Variants in BRSK2 observed in about 807,000 individuals in gnomAD.
BRSK2 encodes the protein BR serine/threonine kinase 2.
In BRSK2, 19 loss-of-function variants were observed where a neutral mutation model predicts 83.3. The ratio of observed to expected loss-of-function variants is 0.23; its 90% CI spans 0.16 to 0.33. The LOEUF is 0.33. Ranked by LOEUF, BRSK2 falls within the 10% of genes least tolerant of loss-of-function variation. The probability of loss-of-function intolerance (pLI) is 1.00; values close to 1 mark genes in which losing one functional copy is unlikely to be tolerated. For synonymous variants in BRSK2, 519 were observed against 435.4 expected, an observed-to-expected ratio of 1.19 and a Z score of -2.39; for missense variants, 798 against 1,042.3, an observed-to-expected ratio of 0.77 and a Z score of 3.23.
At position 1,460,698 on chromosome 11, in the gene BRSK2, C is replaced by A. The variant is rs755637455; in HGVS notation, c.2186C>A (p.Pro729His). Reference sequence around the variant, plus strand: ...AAGGACACGGCCAAGATGGGCCCGCCCACCGCCCGCCGCGAGCAGCCTTAG... The same window carrying A: ...AAGGACACGGCCAAGATGGGCCCGCACACCGCCCGCCGCGAGCAGCCTTAG... ...TGKDTAKMGP[P>H]TARREQP The change falls in exon 20 of 20, where the codon CCC becomes CAC. Residue 729 changes from proline (P) to histidine (H), a missense_variant. By Grantham distance (77) the Pro-to-His change is moderately conservative. Transcript: ENST00000528841. The A allele has an allele frequency of 1.5e-4, 216 of 1,484,260 alleles. No homozygotes were observed. In the African/African-American group the frequency reaches 2.9e-3, roughly 20 times the overall value. 91.9% of individuals were successfully genotyped at this position (1,484,260 alleles called of 1,614,324 possible).
intron 1 of BRSK2, among the ~76,000 whole-genome samples, chr11:1,412,021 C>A (rs1236340532): frequency 7.9e-6 from 1 of 127,330 alleles, no homozygotes; most frequent in Non-Finnish European, 1.7e-5. Flanking sequence ...CTCAGCTGCG[C>A]CGCCCCGTCC....
chr11:1,456,335 T>C lies in BRSK2; in HGVS notation c.1669-13T>C, dbSNP rs1162543773. The stretch of plus-strand genomic sequence containing the variant: ...GCCAGGCCAGCCACGCTCACGCTGC[T>C]CTCTCTCCACAGATTCCCAGTCTCA... On this transcript the variant is annotated splice_polypyrimidine_tract_variant and intron_variant, in intron 16 of 19. Coordinates refer to ENST00000528841, the MANE Select transcript of BRSK2 (RefSeq NM_001256627.2). 3 of 1,546,926 alleles carry C rather than the reference T, an allele frequency of 1.9e-6. No homozygotes were observed. Among genetic ancestry groups the C allele is most frequent in the Non-Finnish European group, 2.6e-6 (3 of 1,146,012 alleles).
intron 18 of BRSK2, chr11:1,456,923 C>A: frequency 6.3e-7 from 1 of 1,592,818 alleles, no homozygotes; most frequent in Non-Finnish European, 8.5e-7. Context: ...CGCAGCCGCA[C>A]CACACTGAAA....
intron 1 of BRSK2, chr11:1,410,923 C>T: frequency 2.0e-6 from 2 of 989,244 alleles, no homozygotes; most frequent in Non-Finnish European, 2.4e-6. Context: ...GTTCCCCAGT[C>T]TCAGAGGCCA....
At chr11:1,407,186 C>T (rs1038082162) in intron 1 of BRSK2, among the ~76,000 whole-genome samples, 3 of 152,132 alleles carry the variant, frequency 2.0e-5, no homozygotes, top group Admixed American at 6.5e-5. Flanking sequence ...GTGGTGTCTG[C>T]GTGGGTCCCC....
At chr11:1,418,942 A>G (rs1001216083) in intron 1 of BRSK2, among the ~76,000 whole-genome samples, 12 of 152,176 alleles carry the variant, frequency 7.9e-5, no homozygotes, top group African/African-American at 2.9e-4. Flanking sequence ...CTGTAGTGCC[A>G]TAAGTGCCTG....
intron 1 of BRSK2, among the ~76,000 whole-genome samples, chr11:1,391,881 G>A (rs937103111): frequency 2.6e-5 from 4 of 152,046 alleles, no homozygotes; most frequent in Non-Finnish European, 4.4e-5. Context: ...CGGTGGGTAG[G>A]GGCTGGTCTC....
chr11:1,456,507 G>A lies in BRSK2; in HGVS notation c.1828G>A (p.Val610Ile), dbSNP rs759974512. 5 of 1,578,886 alleles carry A rather than the reference G, an allele frequency of 3.2e-6. No individual in the cohort carries two copies. The highest frequency in any genetic ancestry group is 2.7e-5 in the African/African-American group (2 of 74,008). The change falls in exon 17 of 20, where the codon GTC becomes ATC. Residue 610 changes from valine to isoleucine, a missense_variant. Transcript: ENST00000528841. ...EAQKENGIYSVTFTLLSGPSR... is the reference protein window; with the variant it reads ...EAQKENGIYSITFTLLSGPSR... ...GCAGAAGGAGAACGGCATCTACTCC[G>A]TCACCTTCACCCTGCTCTCAGGTGA...
chr11:1,445,489 C>T (rs987928217), intron 10 of BRSK2, 31 bp downstream of exon 10: 93 of 1,610,012 alleles, frequency 5.8e-5, no homozygotes, highest in Middle Eastern at 1.6e-4. Flanking sequence ...GGGTGGGGCA[C>T]GGGGCCTGAG....
At chr11:1,436,657 C>T (rs796181028) in intron 2 of BRSK2, among the ~76,000 whole-genome samples, 8 of 152,222 alleles carry the variant, frequency 5.3e-5, no homozygotes, top group African/African-American at 1.9e-4. Flanking sequence ...GGGGCGGCCC[C>T]GGCTGCTGGG....
chr11:1,438,409 T>C lies in BRSK2; in HGVS notation c.272+18T>C. ...AAATATTTGTAGGTATTGCTGGGTCTGAAGAGCTGGGGTGGCGGAGGTGGC... is the reference window on the plus strand; with the variant it reads ...AAATATTTGTAGGTATTGCTGGGTCCGAAGAGCTGGGGTGGCGGAGGTGGC... On this transcript the variant is annotated intron_variant, in intron 3 of 19. Coordinates refer to ENST00000528841, the MANE Select transcript of BRSK2 (RefSeq NM_001256627.2). The surrounding 1 kb of genome is among the most constrained non-coding windows in gnomAD (Gnocchi z 6.4). 6.2e-6 allele frequency: 10 copies of C among 1,611,522 alleles called. No individual in the cohort carries two copies. Among genetic ancestry groups the C allele is most frequent in the Non-Finnish European group, 8.5e-6 (10 of 1,177,904 alleles).
intron 1 of BRSK2, among the ~76,000 whole-genome samples, chr11:1,416,841 A>G (rs1848140960): frequency 6.6e-6 from 1 of 152,028 alleles, no homozygotes; most frequent in Admixed American, 6.6e-5. Flanking sequence ...ACATTTGGGG[A>G]AATTCTTCAT....
chr11:1,457,180 G>A (rs1398015715), intron 18 of BRSK2: 17 of 835,484 alleles, frequency 2.0e-5, no homozygotes, highest in South Asian at 2.0e-4. Flanking sequence ...AGCATGCCCC[G>A]GGCGGCCCAT....
chr11:1,425,244 C>A (rs1460905821), intron 1 of BRSK2, among the ~76,000 whole-genome samples: 3 of 152,222 alleles, frequency 2.0e-5, no homozygotes, highest in Non-Finnish European at 4.4e-5. Context: ...TCAGGTGGCT[C>A]TGGTGAAGGC....
intron 8 of BRSK2, among the ~76,000 whole-genome samples, chr11:1,443,969 G>T (rs924780653): frequency 2.0e-5 from 3 of 152,140 alleles, no homozygotes; most frequent in African/African-American, 7.2e-5. Context: ...AGGGTGTGGG[G>T]GTACCCAGGC....
chr11:1,398,212 C>T (rs949977538), intron 1 of BRSK2, among the ~76,000 whole-genome samples: 1 of 152,160 alleles, frequency 6.6e-6, no homozygotes, highest in Non-Finnish European at 1.5e-5. Context: ...TGCCTAGTGG[C>T]CCTCCATGCT....
intron 1 of BRSK2, among the ~76,000 whole-genome samples, chr11:1,412,589 G>A (rs1415677180): frequency 3.3e-5 from 5 of 152,212 alleles, no homozygotes; most frequent in Admixed American, 6.5e-5. Flanking sequence ...GGGAGCAGGC[G>A]CCCTCAGAAA....
At position 1,390,908 on chromosome 11, in the gene BRSK2, A is replaced by C. The variant is rs970053943; in HGVS notation, c.91+533A>C. 3.3e-5 allele frequency among the ~76,000 whole-genome samples: 5 copies of C among 152,152 alleles called. No homozygotes were observed. The highest frequency in any genetic ancestry group is 3.3e-4 in the Admixed American group (5 of 15,288). On this transcript the variant is annotated intron_variant, in intron 1 of 19. Coordinates refer to ENST00000528841, the MANE Select transcript of BRSK2 (RefSeq NM_001256627.2). This position sits in a 1 kb window ranked among gnomAD's most constrained non-coding sequence, Gnocchi z 6.8. The stretch of plus-strand genomic sequence containing the variant: ...AGTGCGGGGACCTGCAGAGGGCTGG[A>C]CAGCGCCTTGCGCTGCTCCGGCTCG...
chr11:1,445,082 A>C lies in BRSK2; in HGVS notation c.812+80A>C, dbSNP rs116364704. On this transcript the variant is annotated intron_variant, in intron 9 of 19. Transcript: ENST00000528841. ...AGGCCCTGCTAGGAAAGGCGGGGGG[A>C]GGGCGCCGGCCCAGCGCAGGTCCTG... 17 of 1,557,462 alleles carry C rather than the reference A, an allele frequency of 1.1e-5. No homozygotes were observed. In the Admixed American group the frequency reaches 2.7e-4, roughly 24 times the overall value.
Sources: allele counts gnomAD v4.1 joint callset (sites outside exome capture counted in the v4.1 genomes callset), GRCh38; gene constraint gnomAD v4.1.1; non-coding constraint Gnocchi (gnomAD v3.1); transcripts MANE v1.5; gene names NCBI Gene and HGNC (gene_info 2026-07-23, HGNC 2026-07-21).